Variants in CDH12 observed in about 807,000 individuals in gnomAD.
CDH12 encodes the protein cadherin-12.
Under a neutral mutation model 74.1 loss-of-function variants are expected in CDH12, and 41 were observed. The observed-to-expected ratio is 0.55, with a 90% CI of 0.43 to 0.72. The LOEUF (loss-of-function observed/expected upper bound fraction) is 0.72. Ranked by LOEUF, CDH12 falls within the 30% of genes least tolerant of loss-of-function variation. CDH12 has a pLI of 0.00. For synonymous variants in CDH12, 399 were observed against 355.0 expected (o/e 1.12, Z -1.39); for missense variants, 945 against 977.2 (o/e 0.97, Z 0.44).
intron 2 of CDH12, among the ~76,000 whole-genome samples, chr5:22,429,766 A>G (rs2126517356): frequency 6.6e-6 from 1 of 152,156 alleles, no homozygotes; most frequent in Admixed American, 6.5e-5. Context: ...GGCTTCTGTC[A>G]TCTTGACAAC....
intron 4 of CDH12, among the ~76,000 whole-genome samples, chr5:22,206,825 G>T (rs1751248626): frequency 6.6e-6 from 1 of 150,922 alleles, no homozygotes; most frequent in African/African-American, 2.4e-5. Context: ...AAATACCATA[G>T]AAAAATATGG....
At chr5:22,287,060 AG>A (rs1737170743) in intron 3 of CDH12, among the ~76,000 whole-genome samples, 1 of 152,196 alleles carries the variant, frequency 6.6e-6, no homozygotes, top group African/African-American at 2.4e-5. Context: ...CTGGGCATTG[AG>A]ATTATCATTC....
At chr5:22,007,826 A>T (rs1161365245) in intron 5 of CDH12, among the ~76,000 whole-genome samples, 1 of 152,166 alleles carries the variant, frequency 6.6e-6, no homozygotes, top group Non-Finnish European at 1.5e-5. Context: ...GATGATTTCA[A>T]TGCCTGTTAC....
intron 1 of CDH12, among the ~76,000 whole-genome samples, chr5:22,756,689 C>T (rs556466904): frequency 2.6e-4 from 40 of 152,230 alleles, no homozygotes; most frequent in South Asian, 2.1e-4. Flanking sequence ...TGGCCGGACG[C>T]GGTGGCTCAC....
chr5:21,769,904 T>A (rs575701797), intron 11 of CDH12, among the ~76,000 whole-genome samples: 174 of 152,306 alleles, frequency 1.1e-3, no homozygotes, highest in South Asian at 4.4e-3. Context: ...CATAGACATC[T>A]ATTTATAGAT....
rs180812187 is a variant in CDH12, at chr5:22,726,220, T to G, written c.-523+126838A>C. Among the ~76,000 whole-genome samples, 34 of 151,892 alleles carry G rather than the reference T, an allele frequency of 2.2e-4. 1 individual carries two copies. Among genetic ancestry groups the G allele is most frequent in the African/African-American group, 7.9e-4 (33 of 41,526 alleles). ...ATTCATTCATCCCTGCCCCTAAACCTTAGCAACCATTGATCCTTTGATTGT... is the reference window on the plus strand; with the variant it reads ...ATTCATTCATCCCTGCCCCTAAACCGTAGCAACCATTGATCCTTTGATTGT... On this transcript the variant is annotated intron_variant, in intron 1 of 14. Transcript: ENST00000382254.
At chr5:22,385,961 C>T (rs1280862067) in intron 3 of CDH12, among the ~76,000 whole-genome samples, 1 of 146,204 alleles carries the variant, frequency 6.8e-6, no homozygotes, top group African/African-American at 2.5e-5. Flanking sequence ...GGCACAATCT[C>T]GGCTGACCAC....
chr5:21,796,112 A>G (rs556093125), intron 10 of CDH12, among the ~76,000 whole-genome samples: 2 of 152,196 alleles, frequency 1.3e-5, no homozygotes, highest in African/African-American at 4.8e-5. Context: ...AGATCATTAA[A>G]CAAAAGCATA....
At chr5:21,753,419 A>G (rs1347448986) in intron 14 of CDH12, among the ~76,000 whole-genome samples, 1 of 152,176 alleles carries the variant, frequency 6.6e-6, no homozygotes, top group Non-Finnish European at 1.5e-5. Flanking sequence ...TCCTCTACCA[A>G]GTATGTGAGA....
chr5:21,858,591 A>G (rs1261876479), intron 6 of CDH12, among the ~76,000 whole-genome samples: 1 of 151,964 alleles, frequency 6.6e-6, no homozygotes, highest in African/African-American at 2.4e-5. Flanking sequence ...GAACGATTTA[A>G]TAGTTTGTAA....
At chr5:21,764,706 G>A (rs1460544003) in intron 12 of CDH12, among the ~76,000 whole-genome samples, 1 of 147,422 alleles carries the variant, frequency 6.8e-6, no homozygotes. Flanking sequence ...TAGGAGAATA[G>A]AAAAACATAG....
At chr5:22,590,387 T>A (rs1267638721) in intron 1 of CDH12, among the ~76,000 whole-genome samples, 3 of 152,160 alleles carry the variant, frequency 2.0e-5, no homozygotes, top group Non-Finnish European at 4.4e-5. Context: ...AATTACCACT[T>A]GATATATCCT....
intron 8 of CDH12, among the ~76,000 whole-genome samples, chr5:21,841,515 C>A (rs1304268840): frequency 6.7e-6 from 1 of 148,756 alleles, no homozygotes; most frequent in African/African-American, 2.5e-5. Context: ...TGGGTATATA[C>A]CCAAAGGACT....
intron 6 of CDH12, chr5:21,884,128 T>C (rs1752505420): frequency 6.7e-7 from 1 of 1,496,172 alleles, no homozygotes; most frequent in Non-Finnish European, 9.3e-7. Flanking sequence ...TTTATGAATA[T>C]GGTAGAAAAA....
chr5:21,860,913 A>C (rs1457180688), intron 6 of CDH12, among the ~76,000 whole-genome samples: 1 of 152,034 alleles, frequency 6.6e-6, no homozygotes. Flanking sequence ...CTTGTGAATC[A>C]ATACTCCTTA....
chr5:22,678,882 A>G (rs1243278417), intron 1 of CDH12, among the ~76,000 whole-genome samples: 3 of 152,118 alleles, frequency 2.0e-5, no homozygotes, highest in African/African-American at 7.2e-5. Context: ...GTAAGGCTTG[A>G]GTTTTAGAGA....
intron 2 of CDH12, among the ~76,000 whole-genome samples, chr5:22,495,379 T>C (rs1396750381): frequency 6.6e-6 from 1 of 152,190 alleles, no homozygotes. Flanking sequence ...AAAAATATTA[T>C]TAAAAGTGAG....
intron 1 of CDH12, among the ~76,000 whole-genome samples, chr5:22,556,566 T>G (rs1738812314): frequency 6.6e-6 from 1 of 152,122 alleles, no homozygotes; most frequent in African/African-American, 2.4e-5. Flanking sequence ...TTGTGTTATC[T>G]GATGTTCTAT....
At chr5:22,822,337 C>T (rs1201000548) in intron 1 of CDH12, among the ~76,000 whole-genome samples, 1 of 152,068 alleles carries the variant, frequency 6.6e-6, no homozygotes, top group African/African-American at 2.4e-5. Flanking sequence ...GACTTCATGT[C>T]TAAAACACCA....
Sources: allele counts gnomAD v4.1 joint callset (sites outside exome capture counted in the v4.1 genomes callset), GRCh38; gene constraint gnomAD v4.1.1; transcripts MANE v1.5; gene names NCBI Gene and HGNC (gene_info 2026-07-23, HGNC 2026-07-21).